The following TF variants were observed in gnomAD, a reference collection of about 807,000 sequenced individuals.
TF encodes the protein transferrin.
Under a neutral mutation model 82.4 loss-of-function variants are expected in TF, and 55 were observed. The ratio of observed to expected loss-of-function variants is 0.67; its 90% CI spans 0.54 to 0.84. The LOEUF is 0.84. Ranked by LOEUF, TF falls within the 40% of genes least tolerant of loss-of-function variation. The pLI is 0.00. For synonymous variants in TF, 332 were observed against 332.6 expected (o/e 1.00, Z 0.02); for missense variants, 737 against 868.4 (o/e 0.85, Z 1.90).
chr3:133,694,888 T>TTATTA, the TF span, among the ~76,000 whole-genome samples: 88 of 145,368 alleles, frequency 6.1e-4, no homozygotes, highest in Non-Finnish European at 9.5e-4. Context: ...ATTTATTTAT[T>TTATTA]ATTATTATTA....
chr3:133,763,551 T>C (rs561630027), intron 9 of TF, among the ~76,000 whole-genome samples: 7 of 152,232 alleles, frequency 4.6e-5, no homozygotes, highest in Non-Finnish European at 8.8e-5. Flanking sequence ...TTTGTCCAAA[T>C]AGTTGCCCAC....
the TF span, among the ~76,000 whole-genome samples, chr3:133,671,678 A>G: frequency 6.6e-6 from 1 of 151,998 alleles, no homozygotes; most frequent in Non-Finnish European, 1.5e-5. Context: ...CTGTAATCCC[A>G]GCTACTCAGG....
chr3:133,765,178 A>G (rs1934097113), intron 11 of TF, among the ~76,000 whole-genome samples: 1 of 152,194 alleles, frequency 6.6e-6, no homozygotes, highest in South Asian at 2.1e-4. Flanking sequence ...GAGTTTACAG[A>G]CAGATCGTCT....
the TF span, among the ~76,000 whole-genome samples, chr3:133,677,497 C>T: frequency 4.6e-5 from 7 of 152,026 alleles, no homozygotes; most frequent in South Asian, 2.1e-4. Flanking sequence ...ATTAGTCAGG[C>T]GTGGTGGTGG....
At chr3:133,749,509 C>T (rs2107908463) in intron 2 of TF, among the ~76,000 whole-genome samples, 1 of 152,168 alleles carries the variant, frequency 6.6e-6, no homozygotes, top group East Asian at 1.9e-4. Context: ...TGGGGATGTA[C>T]AATGGAGGGA....
At chr3:133,704,164 T>C in the TF span, 1 of 196,836 alleles carries the variant, frequency 5.1e-6, no homozygotes, top group Non-Finnish European at 1.1e-5. Flanking sequence ...AATGAGAACC[T>C]CTGAGGGTCA....
chr3:133,690,493 G>A, the TF span, among the ~76,000 whole-genome samples: 1 of 152,094 alleles, frequency 6.6e-6, no homozygotes, highest in Non-Finnish European at 1.5e-5. Flanking sequence ...CATTGCTATT[G>A]GCATTATAAA....
chr3:133,777,104 C>G lies in TF; in HGVS notation c.1928C>G (p.Ser643Trp), dbSNP rs1319977074. The part of the protein sequence containing the change: ...DCSGNFCLFR[S>W]ETKDLLFRDD... ...TCGGGCAACTTTTGTTTGTTCCGGT[C>G]GGAAACCAAGGACCTTCTGTTCAGA... The change falls in exon 16 of 17, where the codon TCG becomes TGG. Residue 643 changes from serine to tryptophan, a missense_variant. Transcript: ENST00000402696. 1.9e-6 allele frequency: 3 copies of G among 1,613,966 alleles called. No individual in the cohort carries two copies. Among genetic ancestry groups the G allele is most frequent in the East Asian group, 2.2e-5 (1 of 44,894 alleles).
At chr3:133,737,107 A>C in the TF span, among the ~76,000 whole-genome samples, 2 of 151,526 alleles carry the variant, frequency 1.3e-5, no homozygotes, top group Non-Finnish European at 3.0e-5. Flanking sequence ...AAGAGAAATC[A>C]TAACAGTCTC....
chr3:133,757,491 C>A (rs1268339075), intron 7 of TF, among the ~76,000 whole-genome samples: 5 of 152,226 alleles, frequency 3.3e-5, no homozygotes, highest in Non-Finnish European at 2.9e-5. Context: ...GGTAACCACA[C>A]AGGGCAGCCT....
upstream of TF, among the ~76,000 whole-genome samples, chr3:133,745,282 G>A: frequency 6.6e-6 from 1 of 152,240 alleles, no homozygotes; most frequent in Non-Finnish European, 1.5e-5. Context: ...GGTTGGATAA[G>A]AAGTAACTTT....
At chr3:133,736,845 C>T in the TF span, among the ~76,000 whole-genome samples, 1 of 152,058 alleles carries the variant, frequency 6.6e-6, no homozygotes, top group African/African-American at 2.4e-5. Flanking sequence ...GACAAAGAGA[C>T]TTAGACTCCC....
intron 14 of TF, among the ~76,000 whole-genome samples, chr3:133,772,242 C>T (rs1450378708): frequency 1.3e-5 from 2 of 152,150 alleles, no homozygotes; most frequent in African/African-American, 4.8e-5. Context: ...ATTTTCCTTT[C>T]TTCCCTCGTA....
At chr3:133,676,905 T>C in the TF span, among the ~76,000 whole-genome samples, 3 of 152,254 alleles carry the variant, frequency 2.0e-5, no homozygotes, top group African/African-American at 7.2e-5. Flanking sequence ...AGCCTCCTCA[T>C]TCATCTTCCC....
rs1405959580 is a variant in TF at position 133,753,710 on chromosome 3, T to A, written c.325+7T>A. On this transcript the variant is annotated splice_region_variant and intron_variant, in intron 3 of 16. Coordinates refer to ENST00000402696, the MANE Select transcript of TF (RefSeq NM_001063.4). Reference sequence around the variant, plus strand: ...TTCTATGGGTCAAAAGAGGGTAAGTTCTCCCTGGGACCCCAGGAAGGAGTT... The same window carrying A: ...TTCTATGGGTCAAAAGAGGGTAAGTACTCCCTGGGACCCCAGGAAGGAGTT... The A allele has an allele frequency of 6.2e-7, 1 of 1,607,572 alleles. No individual in the cohort carries two copies. The highest frequency in any genetic ancestry group is 8.5e-7 in the Non-Finnish European group (1 of 1,174,050).
rs754752269 is a variant in TF, at chr3:133,777,066, C to A, written c.1890C>A (p.Asn630Lys). ...CTTGACAGCACCTATTTGGAAGCAA[C>A]GTAACTGACTGCTCGGGCAACTTTT... is the stretch of plus-strand genomic sequence containing the variant. The part of the protein sequence containing the change: ...LRQQQHLFGS[N>K]VTDCSGNFCL... Residue 630 changes from asparagine (N) to lysine (K), a missense_variant, in exon 16 of 17, where the codon AAC becomes AAA. Asn to Lys is a moderately conservative substitution (Grantham distance 94). Transcript: ENST00000402696. 7.4e-6 allele frequency: 12 copies of A among 1,614,140 alleles called. No homozygotes were observed. Among genetic ancestry groups the A allele is most frequent in the Non-Finnish European group, 9.3e-6 (11 of 1,180,016 alleles).
At chr3:133,746,595 G>C in intron 1 of TF, 112 bp downstream of exon 1, 1 of 1,270,400 alleles carries the variant, frequency 7.9e-7, no homozygotes, top group Non-Finnish European at 1.1e-6. Flanking sequence ...GGAAGCCTGG[G>C]TGTCTGGGTG....
At chr3:133,714,409 C>T in the TF span, among the ~76,000 whole-genome samples, 1 of 152,282 alleles carries the variant, frequency 6.6e-6, no homozygotes, top group Non-Finnish European at 1.5e-5. Flanking sequence ...CTACTTTGTC[C>T]TGCCCTCTCC....
chr3:133,775,201 T>A (rs1260689796), intron 14 of TF: 7 of 590,134 alleles, frequency 1.2e-5, no homozygotes, highest in Non-Finnish European at 2.1e-5. Flanking sequence ...CCTGGCTGGG[T>A]AGGGAAGGTT....
Sources: gnomAD v4.1 joint callset for allele counts (sites outside exome capture counted in the v4.1 genomes callset) on GRCh38, gnomAD v4.1.1 for gene constraint, MANE v1.5 for transcripts, NCBI Gene and HGNC (gene_info 2026-07-23, HGNC 2026-07-21) for gene names.